The following NEK11 variants were observed in gnomAD, a reference collection of about 807,000 sequenced individuals.
NEK11 encodes NIMA related kinase 11.
In NEK11, 72 loss-of-function variants were observed where a neutral mutation model predicts 80.7. That is an observed-to-expected ratio of 0.89 (90% confidence interval 0.74 to 1.08). NEK11 has a LOEUF of 1.08. Ranked by LOEUF, NEK11 falls within the 50% of genes least tolerant of loss-of-function variation. The pLI, the probability that NEK11 is intolerant of heterozygous loss-of-function variation, is 0.00. For missense variants in NEK11, 764 were observed against 763.6 expected, an observed-to-expected ratio of 1.00 and a Z score of -0.01; for synonymous variants, 251 against 260.7, an observed-to-expected ratio of 0.96 and a Z score of 0.36.
chr3:131,245,057 A>G (rs914507205), intron 16 of NEK11, among the ~76,000 whole-genome samples: 1 of 152,070 alleles, frequency 6.6e-6, no homozygotes, highest in Non-Finnish European at 1.5e-5. Context: ...CATTATACCC[A>G]TTAAGTAATT....
intron 17 of NEK11, among the ~76,000 whole-genome samples, chr3:131,281,119 TG>T (rs199671773): frequency 0.018 from 2,789 of 152,346 alleles, 40 homozygotes; most frequent in East Asian, 0.084. Context: ...ACAGGTTTAT[TG>T]ATTTCTTTTG....
At chr3:131,144,150 T>C (rs929197711) in intron 7 of NEK11, among the ~76,000 whole-genome samples, 14 of 152,080 alleles carry the variant, frequency 9.2e-5, no homozygotes, top group Non-Finnish European at 1.9e-4. Context: ...TCAGAAATTT[T>C]CTCAGTAGTT....
intron 3 of NEK11, among the ~76,000 whole-genome samples, chr3:131,069,156 T>G (rs1226662455): frequency 6.6e-6 from 1 of 152,192 alleles, no homozygotes; most frequent in African/African-American, 2.4e-5. Flanking sequence ...ATTTTTAGTT[T>G]ATTAGTTTAA....
chr3:131,072,695 T>C (rs1388561627), intron 3 of NEK11, among the ~76,000 whole-genome samples: 1 of 152,062 alleles, frequency 6.6e-6, no homozygotes, highest in Non-Finnish European at 1.5e-5. Flanking sequence ...GAGAAGTAAA[T>C]AGAAAGAAGT....
At chr3:131,181,476 A>G (rs756777006) in intron 14 of NEK11, among the ~76,000 whole-genome samples, 7 of 152,102 alleles carry the variant, frequency 4.6e-5, no homozygotes, top group South Asian at 2.1e-4. Context: ...GCTGGGCGCA[A>G]TGGCTCACGC....
chr3:131,269,550 G>A (rs1336016804), intron 16 of NEK11, among the ~76,000 whole-genome samples: 2 of 152,140 alleles, frequency 1.3e-5, no homozygotes, highest in East Asian at 1.9e-4. Flanking sequence ...CACCCTCTGT[G>A]GGCTGCACCC....
chr3:131,082,689 A>G (rs1429132393), intron 4 of NEK11, among the ~76,000 whole-genome samples: 1 of 152,252 alleles, frequency 6.6e-6, no homozygotes, highest in African/African-American at 2.4e-5. Context: ...CTTTCCCTGT[A>G]TTAATTGAAA....
intron 15 of NEK11, among the ~76,000 whole-genome samples, chr3:131,237,478 G>A (rs1041572417): frequency 6.6e-6 from 1 of 152,138 alleles, no homozygotes; most frequent in Non-Finnish European, 1.5e-5. Flanking sequence ...ATCTCACTCA[G>A]CCTTACATAT....
chr3:131,244,812 T>A (rs1489397732), intron 16 of NEK11, among the ~76,000 whole-genome samples: 2 of 151,982 alleles, frequency 1.3e-5, no homozygotes, highest in Non-Finnish European at 2.9e-5. Flanking sequence ...GAGTCCTAAC[T>A]CCATGGGATG....
chr3:131,070,312 A>C (rs1398187473), intron 3 of NEK11, among the ~76,000 whole-genome samples: 3 of 152,186 alleles, frequency 2.0e-5, no homozygotes, highest in African/African-American at 7.2e-5. Flanking sequence ...AAATCAATGA[A>C]TTTTGCTCAG....
At chr3:131,170,229 T>C (rs912712989) in intron 13 of NEK11, among the ~76,000 whole-genome samples, 3 of 152,134 alleles carry the variant, frequency 2.0e-5, no homozygotes, top group African/African-American at 7.2e-5. Context: ...TTTCTTGAAA[T>C]ACCTATTGAT....
intron 17 of NEK11, among the ~76,000 whole-genome samples, chr3:131,339,601 T>C (rs529336606): frequency 1.1e-4 from 17 of 152,284 alleles, no homozygotes; most frequent in East Asian, 3.9e-4. Context: ...TAAAGTGTGA[T>C]GGTGGGGGTA....
chr3:131,305,987 T>G (rs2096719337), intron 17 of NEK11, among the ~76,000 whole-genome samples: 1 of 152,214 alleles, frequency 6.6e-6, no homozygotes. Flanking sequence ...CATTTTGGCT[T>G]GGGCCCTTGT....
intron 10 of NEK11, among the ~76,000 whole-genome samples, chr3:131,161,645 C>G (rs1240394910): frequency 6.6e-6 from 1 of 151,980 alleles, no homozygotes; most frequent in African/African-American, 2.4e-5. Context: ...AACACATGGA[C>G]ACATAGAGGG....
intron 17 of NEK11, among the ~76,000 whole-genome samples, chr3:131,318,440 A>G (rs2096865144): frequency 6.6e-6 from 1 of 152,230 alleles, no homozygotes; most frequent in Non-Finnish European, 1.5e-5. Flanking sequence ...AATTTATGCT[A>G]TATAAATACT....
At chr3:131,142,281 A>T (rs946365893) in intron 7 of NEK11, among the ~76,000 whole-genome samples, 1 of 152,228 alleles carries the variant, frequency 6.6e-6, no homozygotes, top group Admixed American at 6.5e-5. Context: ...CGCAAAGAGC[A>T]ATCAATCTAC....
At chr3:131,245,626 T>C (rs1239362101) in intron 16 of NEK11, among the ~76,000 whole-genome samples, 1 of 152,142 alleles carries the variant, frequency 6.6e-6, no homozygotes, top group Non-Finnish European at 1.5e-5. Context: ...GTCTTTTTAG[T>C]AATAGCCATT....
At chr3:131,208,362 T>C (rs1452726490) in intron 14 of NEK11, among the ~76,000 whole-genome samples, 2 of 152,272 alleles carry the variant, frequency 1.3e-5, no homozygotes, top group Non-Finnish European at 2.9e-5. Flanking sequence ...TTTTGGTTAC[T>C]GTAGCCTTGT....
Position 131,165,481 on chromosome 3 carries a change from T to C in NEK11, c.1138T>C (p.Ser380Pro). ...ENSKRMQELR[S>P]RNFQQLSVDV... The stretch of plus-strand genomic sequence containing the variant: ...TAGCAAACGAATGCAAGAATTGAGA[T>C]CTCGGAACTTTCAGCAGCTGAGTGT... The change falls in exon 12 of 18, where the codon TCT (serine) becomes CCT (proline). Residue 380 changes from serine to proline, a missense_variant. By Grantham distance (74) the Ser-to-Pro change is moderately conservative. Coordinates refer to ENST00000383366, the MANE Select transcript of NEK11 (RefSeq NM_024800.5). The C allele has an allele frequency of 1.2e-6, 2 of 1,613,280 alleles. No individual in the cohort carries two copies. Among genetic ancestry groups the C allele is most frequent in the Non-Finnish European group, 1.7e-6 (2 of 1,179,224 alleles).
Sources: gnomAD v4.1 joint callset for allele counts (sites outside exome capture counted in the v4.1 genomes callset) on GRCh38, gnomAD v4.1.1 for gene constraint, MANE v1.5 for transcripts, NCBI Gene and HGNC (gene_info 2026-07-23, HGNC 2026-07-21) for gene names.